The following ADCK1 variants were observed in gnomAD, a reference collection of about 807,000 sequenced individuals.
ADCK1 encodes the protein aarF domain-containing protein kinase 1.
ADCK1 carries 41 observed loss-of-function variants against 52.3 expected under a neutral mutation model. The ratio of observed to expected loss-of-function variants is 0.78; its 90% CI spans 0.61 to 1.02. The LOEUF (loss-of-function observed/expected upper bound fraction) is 1.02. Among genes scored for constraint, ADCK1 ranks in the 50% least tolerant of loss-of-function variants. The pLI is 0.00. For missense variants in ADCK1, 658 were observed against 679.5 expected (o/e 0.97, Z 0.35); for synonymous variants, 250 against 274.6 (o/e 0.91, Z 0.89).
At chr14:77,821,891 G>GAAAAAAAAAA (rs35265585) in intron 2 of ADCK1, among the ~76,000 whole-genome samples, 1 of 109,608 alleles carries the variant, frequency 9.1e-6, no homozygotes, top group African/African-American at 3.8e-5. Flanking sequence ...CTCTGTCTCA[G>GAAAAAAAAAA]AAAAAAAAAA....
chr14:77,927,904 C>G (rs1016128612), intron 9 of ADCK1, among the ~76,000 whole-genome samples: 1 of 152,212 alleles, frequency 6.6e-6, no homozygotes, highest in Non-Finnish European at 1.5e-5. Flanking sequence ...CAGCACAAAA[C>G]AAAGCCCTTC....
chr14:77,907,738 A>T, intron 6 of ADCK1, 65 bp from the exon 7 acceptor site: 1 of 1,279,386 alleles, frequency 7.8e-7, no homozygotes, highest in Non-Finnish European at 1.1e-6. Context: ...TCGCTGTGCC[A>T]CATTGTCATC....
chr14:77,864,363 CTTG>C (rs920448830), intron 4 of ADCK1, among the ~76,000 whole-genome samples: 1 of 152,098 alleles, frequency 6.6e-6, no homozygotes, highest in African/African-American at 2.4e-5. Flanking sequence ...GTTTATCCAA[CTTG>C]TTGGTGGTAG....
chr14:77,811,485 A>G (rs776349838), intron 1 of ADCK1, among the ~76,000 whole-genome samples: 2 of 152,022 alleles, frequency 1.3e-5, no homozygotes, highest in African/African-American at 2.4e-5. Context: ...AGAGTTCATG[A>G]TCTCCGTCAG....
intron 6 of ADCK1, among the ~76,000 whole-genome samples, chr14:77,904,694 C>A (rs2083618605): frequency 6.6e-6 from 1 of 152,148 alleles, no homozygotes; most frequent in Non-Finnish European, 1.5e-5. Context: ...GCAGGAGGAG[C>A]CCACAGGAGG....
chr14:77,922,026 G>T (rs1020051450), intron 7 of ADCK1, among the ~76,000 whole-genome samples: 1 of 152,232 alleles, frequency 6.6e-6, no homozygotes, highest in African/African-American at 2.4e-5. Context: ...CTGATCAGGA[G>T]CCCTGATTGG....
At chr14:77,899,680 A>G (rs1408612370) in intron 6 of ADCK1, among the ~76,000 whole-genome samples, 3 of 152,196 alleles carry the variant, frequency 2.0e-5, no homozygotes, top group Non-Finnish European at 4.4e-5. Flanking sequence ...GTAACAAAAC[A>G]TATGTGTCCC....
chr14:77,870,223 G>C (rs139762949), intron 4 of ADCK1, among the ~76,000 whole-genome samples: 1 of 152,368 alleles, frequency 6.6e-6, no homozygotes, highest in East Asian at 1.9e-4. Flanking sequence ...GCCCTGAGAA[G>C]GTAACAGCTA....
intron 4 of ADCK1, among the ~76,000 whole-genome samples, chr14:77,869,874 T>G (rs994614990): frequency 2.6e-5 from 4 of 152,196 alleles, no homozygotes; most frequent in African/African-American, 4.8e-5. Context: ...TAAGAGGGCC[T>G]GACCCTGCTC....
chr14:77,878,134 A>G (rs912602375), intron 4 of ADCK1, among the ~76,000 whole-genome samples: 11 of 152,204 alleles, frequency 7.2e-5, no homozygotes, highest in Admixed American at 5.2e-4. Context: ...TTGACTTCTA[A>G]GTTCTAGCTG....
Position 77,899,100 on chromosome 14 carries a change from G to A in ADCK1, c.583G>A (p.Val195Met). The part of the protein sequence containing the change: ...QSSKDILLME[V>M]LVLAVKQLFP... ...GACTGGGGTGCTTGTTGGATTTCAG[G>A]TGCTCGTTCTGGCTGTGAAGCAGCT... Residue 195 changes from valine (V) to methionine (M), a missense_variant and splice_region_variant, in exon 6 of 11, where the codon GTG becomes ATG. Coordinates refer to ENST00000238561, the MANE Select transcript of ADCK1 (RefSeq NM_020421.4). 2 of 1,613,460 alleles carry A rather than the reference G, an allele frequency of 1.2e-6. No homozygotes were observed. The highest frequency in any genetic ancestry group is 1.7e-6 in the Non-Finnish European group (2 of 1,180,014).
At chr14:77,807,138 G>A (rs1359947711) in intron 1 of ADCK1, among the ~76,000 whole-genome samples, 7 of 125,830 alleles carry the variant, frequency 5.6e-5, no homozygotes, top group African/African-American at 2.1e-4. Flanking sequence ...GCGGGATCTC[G>A]GCTCACTGCA....
intron 3 of ADCK1, among the ~76,000 whole-genome samples, chr14:77,839,959 G>A (rs2082034740): frequency 6.6e-6 from 1 of 151,200 alleles, no homozygotes; most frequent in African/African-American, 2.4e-5. Flanking sequence ...AAGAAGTAGG[G>A]AGGCGGGGAG....
intron 4 of ADCK1, among the ~76,000 whole-genome samples, chr14:77,885,526 G>T (rs970380670): frequency 6.6e-6 from 1 of 152,216 alleles, no homozygotes; most frequent in Non-Finnish European, 1.5e-5. Context: ...GCTGGAGGGA[G>T]TGATTTATGA....
At chr14:77,828,263 C>T (rs1183304167) in intron 3 of ADCK1, among the ~76,000 whole-genome samples, 2 of 152,142 alleles carry the variant, frequency 1.3e-5, no homozygotes, top group African/African-American at 4.8e-5. Context: ...CATGTTTGGC[C>T]AGCCTCTGCT....
rs747026535 is a variant in ADCK1, at chr14:77,924,446, TTCTCTTTCAGA to T, written c.859-6_863del. 1.5e-5 allele frequency: 25 copies of T among 1,613,564 alleles called. No homozygotes were observed. In the African/African-American group the frequency reaches 3.3e-4, roughly 22 times the overall value. On this transcript the variant is annotated splice_acceptor_variant and splice_polypyrimidine_tract_variant and coding_sequence_variant and intron_variant, in exon 8 of 11. Coordinates refer to ENST00000238561, the MANE Select transcript of ADCK1 (RefSeq NM_020421.4). LOFTEE classifies it high-confidence loss of function. ...GGAGAGGAGCTCCCACCTGCCCCTCTTCTCTTTCAGATCTCACGCCACCTGGGCAAGATGTA... is the reference window on the plus strand; with the variant it reads ...GGAGAGGAGCTCCCACCTGCCCCTCTTCTCACGCCACCTGGGCAAGATGTA...
At chr14:77,914,654 G>A (rs946140890) in intron 7 of ADCK1, 19 of 905,376 alleles carry the variant, frequency 2.1e-5, no homozygotes, top group Non-Finnish European at 2.5e-5. Flanking sequence ...GTGCCCTTGG[G>A]TAAGCAACAT....
At chr14:77,914,266 A>C (rs2083864561) in intron 7 of ADCK1, 1 of 324,434 alleles carries the variant, frequency 3.1e-6, no homozygotes, top group Non-Finnish European at 4.4e-6. Flanking sequence ...TTGCCTCTCT[A>C]TTCTTTTCTT....
At chr14:77,857,560 T>C (rs2082446253) in intron 3 of ADCK1, among the ~76,000 whole-genome samples, 1 of 152,140 alleles carries the variant, frequency 6.6e-6, no homozygotes, top group Non-Finnish European at 1.5e-5. Context: ...TTGTTATCTG[T>C]TTTTCCACTC....
Sources: gnomAD v4.1 joint callset for allele counts (sites outside exome capture counted in the v4.1 genomes callset) on GRCh38, gnomAD v4.1.1 for gene constraint, MANE v1.5 for transcripts, NCBI Gene and HGNC (gene_info 2026-07-23, HGNC 2026-07-21) for gene names.